The following TRIM24 variants were observed in gnomAD, a reference collection of about 807,000 sequenced individuals.
TRIM24 encodes the protein transcription intermediary factor 1-alpha.
A neutral mutation model predicts 123.9 loss-of-function variants in TRIM24; 29 were observed. The ratio of observed to expected loss-of-function variants is 0.23; its 90% confidence interval spans 0.17 to 0.32. TRIM24 has a LOEUF of 0.32. Among genes scored for constraint, TRIM24 ranks in the 10% least tolerant of loss-of-function variants. The probability of loss-of-function intolerance (pLI) is 1.00; values close to 1 mark genes in which losing one functional copy is unlikely to be tolerated. For missense variants in TRIM24, 932 were observed against 1,295.3 expected, an observed-to-expected ratio of 0.72 and a Z score of 4.31; for synonymous variants, 456 against 461.1, an observed-to-expected ratio of 0.99 and a Z score of 0.14.
intron 9 of TRIM24, among the ~76,000 whole-genome samples, chr7:138,559,809 T>A (rs2116646941): frequency 6.6e-6 from 1 of 152,286 alleles, no homozygotes; most frequent in African/African-American, 2.4e-5. Context: ...AAGATTACAG[T>A]ATGGGGCCCA....
chr7:138,466,548 T>A (rs1470478298), intron 1 of TRIM24, among the ~76,000 whole-genome samples: 2 of 124,980 alleles, frequency 1.6e-5, no homozygotes, highest in African/African-American at 3.0e-5. Context: ...CACTGCAACC[T>A]CCGCCATGTT....
rs576723706 is a variant in TRIM24, at chr7:138,565,735, A to C, written c.1531-1746A>C. The stretch of plus-strand genomic sequence containing the variant: ...CAAAGACAGGGCTTGACTTTTATAC[A>C]CACTTCTGAAAGGGGGTTGGCTAGT... On this transcript the variant is annotated intron_variant, in intron 9 of 18. Coordinates refer to ENST00000343526, the MANE Select transcript of TRIM24 (RefSeq NM_015905.3). 5.1e-4 allele frequency among the ~76,000 whole-genome samples: 78 copies of C among 152,338 alleles called. 1 individual carries two copies. In the South Asian group the frequency reaches 7.2e-3, roughly 14 times the overall value.
intron 6 of TRIM24, among the ~76,000 whole-genome samples, chr7:138,534,519 C>T (rs561694019): frequency 4.1e-4 from 62 of 152,206 alleles, no homozygotes; most frequent in Non-Finnish European, 7.8e-4. Context: ...TGTAGTTGAG[C>T]GGTTTTGAGT....
Position 138,585,547 on chromosome 7 carries a change from T to C in TRIM24, c.*596T>C, listed in dbSNP as rs557787270. ...TAAGAAGGCACTTAATAGTACATCA[T>C]GTAAGATGGCAACTGTATTAAAGAA... On this transcript the variant is annotated 3_prime_UTR_variant, in exon 19 of 19. Transcript: ENST00000343526. 2.8e-6 allele frequency: 1 copy of C among 356,892 alleles called. No individual in the cohort carries two copies. The highest frequency in any genetic ancestry group is 4.6e-5 in the Admixed American group (1 of 21,790). The allele number at this position is 356,892 out of a possible 1,614,324, so 22.1% of individuals were successfully genotyped here. A position where few individuals can be genotyped will look rare whatever the true frequency, so the allele number is the denominator to read the frequency against.
Position 138,576,364 on chromosome 7 carries a change from C to G in TRIM24, c.2015-9C>G. 6.2e-7 allele frequency: 1 copy of G among 1,611,814 alleles called. No individual in the cohort carries two copies. Among genetic ancestry groups the G allele is most frequent in the Non-Finnish European group, 8.5e-7 (1 of 1,178,342 alleles). ...TCGTTTTATGAATGTATGGTTTCCC[C>G]CTCCTCAGGACCTGTTACTATGACT... On this transcript the variant is annotated splice_polypyrimidine_tract_variant and intron_variant, in intron 12 of 18. Transcript: ENST00000343526.
chr7:138,487,032 TCTC>T (rs1436690340), intron 1 of TRIM24, among the ~76,000 whole-genome samples: 11 of 152,158 alleles, frequency 7.2e-5, no homozygotes, highest in African/African-American at 2.4e-4. Flanking sequence ...GGTTTGTAGT[TCTC>T]CTTGAAGAGG....
chr7:138,503,000 TTAAAG>T (rs565558239), intron 1 of TRIM24, among the ~76,000 whole-genome samples: 18 of 151,904 alleles, frequency 1.2e-4, no homozygotes, highest in South Asian at 4.1e-4. Flanking sequence ...GTTAATCTAC[TTAAAG>T]TAGTTTTTTT....
Position 138,460,268 on chromosome 7 carries a change from G to A in TRIM24, c.-281G>A, listed in dbSNP as rs1398564927. 1 of 355,348 alleles carries A rather than the reference G, an allele frequency of 2.8e-6. No homozygotes were observed. Among genetic ancestry groups the A allele is most frequent in the African/African-American group, 2.1e-5 (1 of 47,352 alleles). The allele number at this position is 355,348 out of a possible 1,614,324, so 22.0% of individuals were successfully genotyped here. ...CAAGGGCGGGCTGGGCGTATTCCAC[G>A]AGCGCCTCGGCGGTTGGCGAAGCGG... On this transcript the variant is annotated 5_prime_UTR_variant, in exon 1 of 19. Coordinates refer to ENST00000343526, the MANE Select transcript of TRIM24 (RefSeq NM_015905.3).
chr7:138,584,925 A>G lies in TRIM24; in HGVS notation c.3127A>G (p.Ile1043Val), dbSNP rs780616900. The change falls in exon 19 of 19, where the codon ATT (isoleucine) becomes GTT (valine). Residue 1043 changes from isoleucine (I) to valine (V), a missense_variant. Transcript: ENST00000343526. ...GCCCCGGAAGAAACGCCTCAAAAGC[A>G]TTGAAGAACGCCAGTTGCTTAAATA... ...VQPRKKRLKS[I>V]EERQLLK The G allele has an allele frequency of 6.2e-7, 1 of 1,611,516 alleles. No homozygotes were observed. Among genetic ancestry groups the G allele is most frequent in the East Asian group, 2.2e-5 (1 of 44,826 alleles).
intron 7 of TRIM24, among the ~76,000 whole-genome samples, chr7:138,546,873 A>G (rs1797112240): frequency 6.6e-6 from 1 of 152,212 alleles, no homozygotes; most frequent in Non-Finnish European, 1.5e-5. Context: ...AGAAAACAGT[A>G]TGGAAGTTCC....
At chr7:138,572,106 A>G (rs1317900145) in intron 11 of TRIM24, among the ~76,000 whole-genome samples, 1 of 152,182 alleles carries the variant, frequency 6.6e-6, no homozygotes, top group Non-Finnish European at 1.5e-5. Context: ...TTGTTTTTCA[A>G]GTTGAGATCA....
Position 138,538,780 on chromosome 7 carries a change from G to A in TRIM24, c.1120G>A (p.Ala374Thr), listed in dbSNP as rs781628019. Residue 374 changes from alanine to threonine, a missense_variant, in exon 7 of 19, where the codon GCA becomes ACA. Physicochemically the swap from Ala to Thr is moderately conservative, Grantham distance 58. Coordinates refer to ENST00000343526, the MANE Select transcript of TRIM24 (RefSeq NM_015905.3). ...KWAVSSGSST[A>T]LLYSKRLITY... Reference sequence around the variant, plus strand: ...GGCAGTTTCCAGTGGCAGCAGTACAGCATTACTTTATAGCAAACGACTGGT... The same window carrying A: ...GGCAGTTTCCAGTGGCAGCAGTACAACATTACTTTATAGCAAACGACTGGT... The A allele has an allele frequency of 6.2e-7, 1 of 1,613,996 alleles. No homozygotes were observed. Among genetic ancestry groups the A allele is most frequent in the Admixed American group, 1.7e-5 (1 of 60,018 alleles).
chr7:138,460,983 G>A, intron 1 of TRIM24, 71 bp downstream of exon 1: 2 of 1,313,118 alleles, frequency 1.5e-6, no homozygotes, highest in African/African-American at 1.6e-5. Context: ...CTTGTGCGGC[G>A]CGACCCGCTG....
intron 2 of TRIM24, among the ~76,000 whole-genome samples, chr7:138,510,012 A>C (rs1335854694): frequency 6.6e-6 from 1 of 152,170 alleles, no homozygotes; most frequent in East Asian, 1.9e-4. Flanking sequence ...AGTGAATTAC[A>C]GTAAAGCTGG....
At chr7:138,527,839 C>T (rs1442654197) in intron 5 of TRIM24, among the ~76,000 whole-genome samples, 2 of 152,146 alleles carry the variant, frequency 1.3e-5, no homozygotes, top group South Asian at 2.1e-4. Flanking sequence ...ATTGAGTGCA[C>T]TCATACCCAG....
In TRIM24 at chr7:138,501,531, T is replaced by C. The variant is rs192003929; in HGVS notation, c.365-2759T>C. Among the ~76,000 whole-genome samples, 25 of 152,126 alleles carry C rather than the reference T, an allele frequency of 1.6e-4. No individual in the cohort carries two copies. The East Asian group carries it at 4.5e-3, about 27-fold the overall frequency. ...CAGGTGTGAGCCACCACACCCGGCC[T>C]TCAGCTTCATTATAATTTTATGATA... On this transcript the variant is annotated intron_variant, in intron 1 of 18. Transcript: ENST00000343526.
At chr7:138,552,397 A>G (rs569980351) in intron 8 of TRIM24, among the ~76,000 whole-genome samples, 78 of 152,200 alleles carry the variant, frequency 5.1e-4, no homozygotes, top group Non-Finnish European at 6.2e-4. Flanking sequence ...TTCAGCAGAA[A>G]GTTACTACTT....
chr7:138,553,383 G>A (rs1183012541), intron 8 of TRIM24, among the ~76,000 whole-genome samples: 1 of 152,166 alleles, frequency 6.6e-6, no homozygotes, highest in Non-Finnish European at 1.5e-5. Context: ...ATGTGTAAAA[G>A]AGAATGTTAT....
At chr7:138,548,619 T>G (rs1467051533) in intron 7 of TRIM24, among the ~76,000 whole-genome samples, 1 of 152,188 alleles carries the variant, frequency 6.6e-6, no homozygotes, top group Non-Finnish European at 1.5e-5. Flanking sequence ...ATATTTTTTC[T>G]TCAATAATAA....
Sources: gnomAD v4.1 joint callset for allele counts (sites outside exome capture counted in the v4.1 genomes callset) on GRCh38, gnomAD v4.1.1 for gene constraint, MANE v1.5 for transcripts, NCBI Gene and HGNC (gene_info 2026-07-23, HGNC 2026-07-21) for gene names.